The following PCDHA10 variants were observed in gnomAD, a reference collection of about 807,000 sequenced individuals.
PCDHA10 encodes the protein protocadherin alpha-10.
PCDHA10 carries 45 observed loss-of-function variants against 61.2 expected under a neutral mutation model. That is an observed-to-expected ratio of 0.74 (90% confidence interval 0.58 to 0.94). The LOEUF (loss-of-function observed/expected upper bound fraction) is 0.94. PCDHA10 is among the 40% of genes least tolerant of loss of function. PCDHA10 has a pLI of 0.00. For missense variants in PCDHA10, 1,278 were observed against 1,236.2 expected (o/e 1.03, Z -0.51); for synonymous variants, 602 against 548.8 (o/e 1.10, Z -1.35).
intron 3 of PCDHA10, among the ~76,000 whole-genome samples, chr5:141,000,501 C>G (rs1252221313): frequency 2.1e-5 from 3 of 139,584 alleles, no homozygotes; most frequent in Admixed American, 7.5e-5. Flanking sequence ...GATCTCGGCT[C>G]ACTGCAACCT....
intron 1 of PCDHA10, among the ~76,000 whole-genome samples, chr5:140,907,242 T>A (rs532344223): frequency 6.6e-6 from 1 of 152,328 alleles, no homozygotes; most frequent in African/African-American, 2.4e-5. Flanking sequence ...TAGTTGACAT[T>A]GTAATTGTGA....
chr5:141,002,941 C>G (rs964416301), intron 3 of PCDHA10, among the ~76,000 whole-genome samples: 18 of 152,216 alleles, frequency 1.2e-4, no homozygotes, highest in African/African-American at 4.1e-4. Flanking sequence ...CACCCTCCAG[C>G]ACATGCCCCT....
In PCDHA10 at chr5:140,857,359, G is replaced by C. The variant is rs200721411; in HGVS notation, c.1311G>C (p.Thr437=). 31 of 1,598,398 alleles carry C rather than the reference G, an allele frequency of 1.9e-5. 2 individuals carry two copies. In the African/African-American group the frequency reaches 2.4e-4, roughly 12 times the overall value. ...RDGGSPPLWA[T]ASVSVEVADV... The stretch of plus-strand genomic sequence containing the variant: ...GGGGCTCGCCTCCGCTGTGGGCCAC[G>C]GCCAGCGTGTCTGTGGAGGTGGCCG... The change falls in exon 1 of 4, where the codon ACG becomes ACC. Residue 437 remains threonine (T), a synonymous_variant. Transcript: ENST00000307360.
At chr5:140,962,428 C>G (rs1359949802) in intron 1 of PCDHA10, among the ~76,000 whole-genome samples, 1 of 152,136 alleles carries the variant, frequency 6.6e-6, no homozygotes, top group Non-Finnish European at 1.5e-5. Flanking sequence ...TTTATTGTTA[C>G]TTATCCAAAG....
chr5:140,876,976 C>G lies in PCDHA10; in HGVS notation c.2388+18540C>G, dbSNP rs782283591. 6 of 1,612,586 alleles carry G rather than the reference C, an allele frequency of 3.7e-6. No homozygotes were observed. In the Admixed American group the frequency reaches 5.0e-5, roughly 13 times the overall value. ...GCTGGTGGAGCGGCGGGTGGGCGAG[C>G]ACGCACTGTCGAGCTACGTGTCGGT... On this transcript the variant is annotated intron_variant, in intron 1 of 3. Transcript: ENST00000307360.
chr5:140,941,202 C>CCTTTTCTTCCTTTCTTT (rs2092814043), intron 1 of PCDHA10, among the ~76,000 whole-genome samples: 1 of 122,742 alleles, frequency 8.1e-6, no homozygotes, highest in Non-Finnish European at 1.8e-5. Flanking sequence ...TTTCTTTCTT[C>CCTTTTCTTCCTTTCTTT]CTTTCTTTCT....
chr5:140,872,828 A>G (rs1393520150), intron 1 of PCDHA10, among the ~76,000 whole-genome samples: 2 of 152,234 alleles, frequency 1.3e-5, no homozygotes, highest in African/African-American at 4.8e-5. Flanking sequence ...CATCTAGCAG[A>G]GAAAAAATTA....
rs2098331172 is a variant in PCDHA10, at chr5:141,007,465, G to A, written c.2537-2162G>A. Among the ~76,000 whole-genome samples, 5 of 151,906 alleles carry A rather than the reference G, an allele frequency of 3.3e-5. No individual in the cohort carries two copies. The South Asian group carries it at 1.0e-3, about 32-fold the overall frequency. ...TGCCTGTAGTCCCAGCTACTCAGGA[G>A]GCTGAGGCACGAGAATTACTTGGAC... On this transcript the variant is annotated intron_variant, in intron 3 of 3. Transcript: ENST00000307360.
At chr5:140,967,099 T>G in intron 1 of PCDHA10, 1 of 1,613,074 alleles carries the variant, frequency 6.2e-7, no homozygotes, top group Non-Finnish European at 8.5e-7. Context: ...AGGCGCTGTG[T>G]GAGCAGCGGC....
chr5:141,000,419 A>ATTTTTT (rs1563652468), intron 3 of PCDHA10, among the ~76,000 whole-genome samples: 3 of 60,996 alleles, frequency 4.9e-5, no homozygotes, highest in African/African-American at 7.6e-5. Context: ...ATATATATAT[A>ATTTTTT]TATTTTTTTT....
chr5:140,889,424 A>G (rs2062220483), intron 1 of PCDHA10, among the ~76,000 whole-genome samples: 1 of 151,956 alleles, frequency 6.6e-6, no homozygotes, highest in African/African-American at 2.4e-5. Context: ...CGTAGATAAT[A>G]TTTTTTCAGG....
At chr5:140,924,550 C>T (rs2081897316) in intron 1 of PCDHA10, among the ~76,000 whole-genome samples, 1 of 152,096 alleles carries the variant, frequency 6.6e-6, no homozygotes, top group Non-Finnish European at 1.5e-5. Context: ...CTCTCCCCAC[C>T]ATTTTAATCA....
At chr5:140,956,020 T>C (rs2095249402) in intron 1 of PCDHA10, among the ~76,000 whole-genome samples, 1 of 152,240 alleles carries the variant, frequency 6.6e-6, no homozygotes, top group Non-Finnish European at 1.5e-5. Context: ...TTTGCTGAAG[T>C]TGCTTATCAG....
chr5:140,863,406 G>A (rs1228817689), intron 1 of PCDHA10: 1 of 800,564 alleles, frequency 1.2e-6, no homozygotes, highest in East Asian at 4.2e-5. Context: ...GCAAGCCCAC[G>A]CTGGTGTACC....
intron 1 of PCDHA10, chr5:140,969,317 G>A (rs1554231675): frequency 6.2e-7 from 1 of 1,614,156 alleles, no homozygotes; most frequent in East Asian, 2.2e-5. Context: ...AAATGAGGCT[G>A]TTTCTCAAAA....
chr5:140,867,218 C>T (rs1306358108), intron 1 of PCDHA10: 1 of 152,104 alleles, frequency 6.6e-6, no homozygotes, highest in Non-Finnish European at 1.5e-5. Context: ...TCTTCATCCC[C>T]AATTCCCATA....
At chr5:140,952,794 G>T (rs2094798904) in intron 1 of PCDHA10, among the ~76,000 whole-genome samples, 1 of 152,140 alleles carries the variant, frequency 6.6e-6, no homozygotes, top group Admixed American at 6.5e-5. Context: ...GGTTTAACTG[G>T]CTCGCAGTTC....
At chr5:140,982,298 A>G (rs1371152402) in intron 2 of PCDHA10, 177 bp from the exon 3 acceptor site, 12 of 1,189,736 alleles carry the variant, frequency 1.0e-5, no homozygotes, top group Admixed American at 5.6e-5. Flanking sequence ...TAAGTCAGCA[A>G]TGCTTCTGCA....
At chr5:140,947,734 C>T (rs2094167568) in intron 1 of PCDHA10, among the ~76,000 whole-genome samples, 1 of 151,286 alleles carries the variant, frequency 6.6e-6, no homozygotes, top group African/African-American at 2.4e-5. Flanking sequence ...TTTTGTAATA[C>T]CTATTCTTAT....
Sources: allele counts gnomAD v4.1 joint callset (sites outside exome capture counted in the v4.1 genomes callset), GRCh38; gene constraint gnomAD v4.1.1; transcripts MANE v1.5; gene names NCBI Gene and HGNC (gene_info 2026-07-23, HGNC 2026-07-21).